The following FLOT1 variants were observed in gnomAD, a reference collection of about 807,000 sequenced individuals.
FLOT1 encodes flotillin-1.
In FLOT1, 40 loss-of-function variants were observed where a neutral mutation model predicts 58.4. The observed-to-expected ratio is 0.69, with a 90% CI of 0.53 to 0.89. The LOEUF is 0.89. Ranked by LOEUF, FLOT1 falls within the 40% of genes least tolerant of loss-of-function variation. The probability of loss-of-function intolerance (pLI) is 0.00; values close to 1 mark genes in which losing one functional copy is unlikely to be tolerated. For missense variants in FLOT1, 423 were observed against 540.8 expected (o/e 0.78, Z 2.16); for synonymous variants, 178 against 204.2 (o/e 0.87, Z 1.09).
At position 30,730,035 on chromosome 6, in the gene FLOT1, A is replaced by G. The variant is rs760783487; in HGVS notation, c.1241T>C (p.Val414Ala). 6.2e-7 allele frequency: 1 copy of G among 1,613,010 alleles called. No individual in the cohort carries two copies. The highest frequency in any genetic ancestry group is 8.5e-7 in the Non-Finnish European group (1 of 1,180,012). The change falls in exon 12 of 13, where the codon GTG becomes GCG. Residue 414 changes from valine (V) to alanine (A), a missense_variant. Transcript: ENST00000376389. The stretch of plus-strand genomic sequence containing the variant: ...CTGAGACCTCACCTGGGAGATGCTC[A>G]CGCCTGTGAGTCTTTCCACACTCTC... ...LPESVERLTG[V>A]SISQVNHKPL... is the part of the protein sequence containing the mutation.
chr6:30,741,789 T>C lies in FLOT1; in HGVS notation c.119+3A>G. On this transcript the variant is annotated splice_donor_region_variant and intron_variant, in intron 3 of 12. Transcript: ENST00000376389. The surrounding 1 kb of genome is among the most constrained non-coding windows in gnomAD (Gnocchi z 5.9). ...CCCCTTCCCTGGTTCCCTTCTTGCCTACCTCTGGATCTGTTGGATGCAGGG... is the reference window on the plus strand; with the variant it reads ...CCCCTTCCCTGGTTCCCTTCTTGCCCACCTCTGGATCTGTTGGATGCAGGG... 1 of 1,612,932 alleles carries C rather than the reference T, an allele frequency of 6.2e-7. No homozygotes were observed. Among genetic ancestry groups the C allele is most frequent in the Non-Finnish European group, 8.5e-7 (1 of 1,179,898 alleles).
At position 30,741,651 on chromosome 6, in the gene FLOT1, C is replaced by T. The variant is rs764739215; in HGVS notation, c.173G>A (p.Arg58His). 15 of 1,612,496 alleles carry T rather than the reference C, an allele frequency of 9.3e-6. No homozygotes were observed. The highest frequency in any genetic ancestry group is 3.3e-5 in the South Asian group (3 of 91,072). ...AGTGACTGAGATGGGGACCCCATGG[C>T]GAGTGTAAACCTTTTCACTCTTGAC... is the stretch of plus-strand genomic sequence containing the variant. The part of the protein sequence containing the change: ...LNVKSEKVYT[R>H]HGVPISVTGI... The change falls in exon 4 of 13, where the codon CGC (arginine) becomes CAC (histidine). Residue 58 changes from arginine to histidine, a missense_variant. Around this residue, in one of 6 missense-constraint regions of FLOT1, gnomAD observed 91 missense variants for 118.3 expected, o/e 0.77. Coordinates refer to ENST00000376389, the MANE Select transcript of FLOT1 (RefSeq NM_005803.4). This position sits in a 1 kb window ranked among gnomAD's most constrained non-coding sequence, Gnocchi z 5.9.
chr6:30,735,444 C>T (rs1777497564), intron 8 of FLOT1, among the ~76,000 whole-genome samples: 1 of 144,986 alleles, frequency 6.9e-6, no homozygotes, highest in Admixed American at 6.9e-5. Flanking sequence ...AAACCCCTCT[C>T]TACTAAAAAA....
chr6:30,728,230 T>G, intron 12 of FLOT1, 85 bp from the exon 13 acceptor site: 1 of 1,141,820 alleles, frequency 8.8e-7, no homozygotes, highest in Non-Finnish European at 1.3e-6. Context: ...TTTAGACGAA[T>G]GGGCTATAGG....
At position 30,737,328 on chromosome 6, in the gene FLOT1, A is replaced by G. The variant is rs1777670187; in HGVS notation, c.723+2830T>C. 6.6e-6 allele frequency among the ~76,000 whole-genome samples: 1 copy of G among 151,766 alleles called. No homozygotes were observed. Among genetic ancestry groups the G allele is most frequent in the South Asian group, 2.1e-4 (1 of 4,812 alleles). On this transcript the variant is annotated intron_variant, in intron 8 of 12. Transcript: ENST00000376389. The surrounding 1 kb of genome is among the most constrained non-coding windows in gnomAD (Gnocchi z 4.4). The stretch of plus-strand genomic sequence containing the variant: ...GCCCAGGCTGGAGTGCGGTGGCGCA[A>G]TCTCGGCTCACTGTGCCTTCTGGAT...
At chr6:30,731,241 T>G in intron 8 of FLOT1, 141 bp from the exon 9 acceptor site, 1 of 751,840 alleles carries the variant, frequency 1.3e-6, no homozygotes, top group Non-Finnish European at 2.1e-6. Context: ...TCCTAGCGCT[T>G]TGGGAGGCCA....
intron 9 of FLOT1, 51 bp from the exon 10 acceptor site, chr6:30,730,778 G>A (rs745839995): frequency 6.2e-7 from 1 of 1,611,212 alleles, no homozygotes; most frequent in Non-Finnish European, 8.5e-7. Flanking sequence ...CTTACTCCCA[G>A]GAGAAAGGCC....
Position 30,730,921 on chromosome 6 carries a change from C to A in FLOT1, c.903G>T (p.Glu301Asp), listed in dbSNP as rs138717826. The change falls in exon 9 of 13, where the codon GAG becomes GAT. Residue 301 changes from glutamate (E) to aspartate (D), a missense_variant and splice_region_variant. This residue lies in a region of FLOT1 where 106 missense variants were observed against 88.4 expected (regional missense o/e 1.20). Coordinates refer to ENST00000376389, the MANE Select transcript of FLOT1 (RefSeq NM_005803.4). ...AGGGTCAGGGAGGGGACATTTACTTCTCTGCCTCGGCTAGGCGCTCCAGCT... is the reference window on the plus strand; with the variant it reads ...AGGGTCAGGGAGGGGACATTTACTTATCTGCCTCGGCTAGGCGCTCCAGCT... ...RYKLERLAEA[E>D]KSQLIMQAEA... 9.3e-6 allele frequency: 15 copies of A among 1,610,970 alleles called. No individual in the cohort carries two copies. The African/African-American group carries it at 1.7e-4, about 19-fold the overall frequency.
chr6:30,734,758 T>C (rs1276490034), intron 8 of FLOT1, among the ~76,000 whole-genome samples: 1 of 151,130 alleles, frequency 6.6e-6, no homozygotes, highest in Non-Finnish European at 1.5e-5. Flanking sequence ...CTTGCTCTGT[T>C]GCCCAGGCTG....
chr6:30,728,562 T>C (rs1776912515), intron 12 of FLOT1, among the ~76,000 whole-genome samples: 3 of 151,534 alleles, frequency 2.0e-5, no homozygotes, highest in African/African-American at 4.9e-5. Context: ...CTCCGCCTCC[T>C]GAGTTCAAGT....
At chr6:30,731,967 C>G (rs1414575167) in intron 8 of FLOT1, among the ~76,000 whole-genome samples, 1 of 151,908 alleles carries the variant, frequency 6.6e-6, no homozygotes, top group Admixed American at 6.6e-5. Flanking sequence ...CTTATTTAGG[C>G]AGATTTCTTT....
chr6:30,731,485 CAAAAAA>C (rs35667527), intron 8 of FLOT1, among the ~76,000 whole-genome samples: 6 of 83,786 alleles, frequency 7.2e-5, no homozygotes, highest in Non-Finnish European at 1.4e-4. Flanking sequence ...ACTCCATCTC[CAAAAAA>C]AAAAAAAAAA....
In FLOT1 at chr6:30,737,181, ATGAC is replaced by A. The variant is rs200072270; in HGVS notation, c.723+2973_723+2976del. 2.1e-3 allele frequency among the ~76,000 whole-genome samples: 284 copies of A among 135,500 alleles called. 1 individual carries two copies. In the Middle Eastern group the frequency reaches 0.024, roughly 11 times the overall value. 88.9% of individuals were successfully genotyped at this position (135,500 alleles called of 152,430 possible). A position where few individuals can be genotyped will look rare whatever the true frequency, so the allele number is the denominator to read the frequency against. On this transcript the variant is annotated intron_variant, in intron 8 of 12. Coordinates refer to ENST00000376389, the MANE Select transcript of FLOT1 (RefSeq NM_005803.4). This position sits in a 1 kb window ranked among gnomAD's most constrained non-coding sequence, Gnocchi z 4.4. ...TCCCCTGCCTAGCCACAAGCCACGT[ATGAC>A]TGACTGACTGACTGACTGTCTGTCG...
Position 30,730,537 on chromosome 6 carries a change from A to G in FLOT1, c.980T>C (p.Ile327Thr), listed in dbSNP as rs756214153. Residue 327 changes from isoleucine to threonine, a missense_variant, in exon 11 of 13, where the codon ATA (isoleucine) becomes ACA (threonine). By Grantham distance (89) the Ile-to-Thr change is moderately conservative. This residue lies in a region of FLOT1 where 106 missense variants were observed against 88.4 expected (regional missense o/e 1.20). Transcript: ENST00000376389. ...AGCCTCGGCTCGGGCTCGGGCCCCT[A>G]TGGCAAAGGCCTCAGCTTCCCCACG... The part of the protein sequence containing the change: ...RMRGEAEAFA[I>T]GARARAEAEQ... 6.2e-6 allele frequency: 10 copies of G among 1,611,436 alleles called. No homozygotes were observed. The highest frequency in any genetic ancestry group is 1.1e-5 in the South Asian group (1 of 90,942).
chr6:30,736,928 C>G (rs553335108), intron 8 of FLOT1, among the ~76,000 whole-genome samples: 2 of 152,028 alleles, frequency 1.3e-5, no homozygotes, highest in Admixed American at 1.3e-4. Flanking sequence ...CACAAGGCAA[C>G]CAGACTGATC....
chr6:30,734,965 G>A (rs1169595331), intron 8 of FLOT1, among the ~76,000 whole-genome samples: 2 of 152,304 alleles, frequency 1.3e-5, no homozygotes, highest in East Asian at 3.9e-4. Flanking sequence ...AGGGAAGAAG[G>A]TCTCAACACT....
chr6:30,737,547 C>T lies in FLOT1; in HGVS notation c.723+2611G>A, dbSNP rs1351588676. On this transcript the variant is annotated intron_variant, in intron 8 of 12. Coordinates refer to ENST00000376389, the MANE Select transcript of FLOT1 (RefSeq NM_005803.4). The surrounding 1 kb of genome is among the most constrained non-coding windows in gnomAD (Gnocchi z 4.4). The stretch of plus-strand genomic sequence containing the variant: ...TGTTGGGATTACAGGCATGAACCAC[C>T]GCGCCCAGCCACTTTTTAAGTATGA... Among the ~76,000 whole-genome samples, 5 of 152,116 alleles carry T rather than the reference C, an allele frequency of 3.3e-5. No individual in the cohort carries two copies. The highest frequency in any genetic ancestry group is 5.9e-5 in the Non-Finnish European group (4 of 68,030).
At chr6:30,728,546 T>G (rs1053466606) in intron 12 of FLOT1, among the ~76,000 whole-genome samples, 36 of 151,962 alleles carry the variant, frequency 2.4e-4, no homozygotes, top group African/African-American at 4.8e-4. Flanking sequence ...CTTGGCTTAC[T>G]GCAGCCTCCG....
chr6:30,739,559 A>G (rs144458375), intron 8 of FLOT1, among the ~76,000 whole-genome samples: 11,318 of 152,046 alleles, frequency 0.074, 687 homozygotes, highest in African/African-American at 0.16. Flanking sequence ...TAGTAGAAAC[A>G]GGGTTTCACT....
Sources: gnomAD v4.1 joint callset for allele counts (sites outside exome capture counted in the v4.1 genomes callset) on GRCh38, gnomAD v4.1.1 for gene constraint, gnomAD v4.1.1 regional missense constraint, Gnocchi (gnomAD v3.1) non-coding constraint, MANE v1.5 for transcripts, NCBI Gene and HGNC (gene_info 2026-07-23, HGNC 2026-07-21) for gene names.